The following KLHL32 variants were observed in gnomAD, a reference collection of about 807,000 sequenced individuals.
KLHL32 encodes kelch-like protein 32.
In KLHL32, 35 loss-of-function variants were observed where a neutral mutation model predicts 64.8. That is an observed-to-expected ratio of 0.54 (90% confidence interval 0.41 to 0.72). The LOEUF is 0.72. KLHL32 is among the 30% of genes least tolerant of loss of function. KLHL32 has a pLI of 0.00. For missense variants in KLHL32, 589 were observed against 768.5 expected, an observed-to-expected ratio of 0.77 and a Z score of 2.76; for synonymous variants, 259 against 281.0, an observed-to-expected ratio of 0.92 and a Z score of 0.78.
At chr6:97,038,562 G>A (rs936475895) in intron 3 of KLHL32, among the ~76,000 whole-genome samples, 12 of 152,158 alleles carry the variant, frequency 7.9e-5, no homozygotes, top group South Asian at 4.1e-4. Context: ...CACTGTTGAC[G>A]GGAATAAATT....
chr6:96,949,934 G>A (rs1338145373), intron 1 of KLHL32, among the ~76,000 whole-genome samples: 2 of 151,856 alleles, frequency 1.3e-5, no homozygotes, highest in Non-Finnish European at 2.9e-5. Context: ...GTAAAATTAT[G>A]GCTAGTGTTT....
intron 4 of KLHL32, among the ~76,000 whole-genome samples, chr6:97,048,142 C>T (rs371965496): frequency 2.3e-4 from 35 of 152,292 alleles, no homozygotes; most frequent in African/African-American, 7.9e-4. Context: ...GTTCCAGAAA[C>T]CCAGTGGAGA....
At chr6:96,926,314 T>C (rs931143873) in intron 1 of KLHL32, among the ~76,000 whole-genome samples, 2 of 152,348 alleles carry the variant, frequency 1.3e-5, no homozygotes, top group African/African-American at 4.8e-5. Context: ...TAATAAATAA[T>C]GTGAGGAGCA....
Position 97,140,415 on chromosome 6 carries a change from A to G in KLHL32, c.*1133A>G, listed in dbSNP as rs1020289534. ...TATGTCAATCTTGAGTGCTTGTGGAATTCTTCACCACCAATACATATTTTA... is the reference window on the plus strand; with the variant it reads ...TATGTCAATCTTGAGTGCTTGTGGAGTTCTTCACCACCAATACATATTTTA... On this transcript the variant is annotated 3_prime_UTR_variant, in exon 11 of 11. Transcript: ENST00000369261. The G allele has an allele frequency of 3.3e-5, 5 of 152,092 alleles. No individual in the cohort carries two copies. Among genetic ancestry groups the G allele is most frequent in the African/African-American group, 9.6e-5 (4 of 41,458 alleles). The allele number at this position is 152,092 out of a possible 1,614,324, so 9.4% of individuals were successfully genotyped here.
chr6:96,915,309 G>T, the KLHL32 span, among the ~76,000 whole-genome samples: 2 of 152,042 alleles, frequency 1.3e-5, no homozygotes, highest in African/African-American at 4.8e-5. Flanking sequence ...TAGCTGTTCT[G>T]GGCATGGTAA....
chr6:96,940,908 A>G (rs1372876389), intron 1 of KLHL32, among the ~76,000 whole-genome samples: 1 of 152,236 alleles, frequency 6.6e-6, no homozygotes, highest in Non-Finnish European at 1.5e-5. Flanking sequence ...GCATAAGGTA[A>G]GCATCACTAA....
At chr6:97,108,535 G>A (rs1796707410) in intron 6 of KLHL32, among the ~76,000 whole-genome samples, 2 of 152,168 alleles carry the variant, frequency 1.3e-5, no homozygotes, top group South Asian at 4.1e-4. Context: ...GAGGTTCACA[G>A]CACAGAGGTG....
chr6:97,054,433 G>A (rs1475056522), intron 4 of KLHL32, among the ~76,000 whole-genome samples: 1 of 152,146 alleles, frequency 6.6e-6, no homozygotes, highest in Non-Finnish European at 1.5e-5. Context: ...AATGTACATT[G>A]GTGCTTTCTC....
In KLHL32 at chr6:97,114,481, T is replaced by C; in HGVS notation, c.1326T>C (p.Tyr442=). ...GATCCCTTTCATGCCATGCTGGATA[T>C]GTGGCTGATGGTCTTCTTTGGATAT... ...FDRSLSCHAG[Y]VADGLLWISG... Residue 442 remains tyrosine, a synonymous_variant, in exon 7 of 11, where the codon TAT becomes TAC. Coordinates refer to ENST00000369261, the MANE Select transcript of KLHL32 (RefSeq NM_052904.4). 4 of 1,614,084 alleles carry C rather than the reference T, an allele frequency of 2.5e-6. No individual in the cohort carries two copies. Among genetic ancestry groups the C allele is most frequent in the Non-Finnish European group, 3.4e-6 (4 of 1,180,032 alleles).
intron 5 of KLHL32, among the ~76,000 whole-genome samples, chr6:97,074,603 T>A (rs1055080738): frequency 9.0e-5 from 13 of 145,020 alleles, no homozygotes; most frequent in African/African-American, 2.8e-4. Flanking sequence ...GTGAGGGATT[T>A]AAAAAAAAAA....
intron 6 of KLHL32, chr6:97,105,550 G>A (rs1796297790): frequency 2.1e-6 from 1 of 470,274 alleles, no homozygotes; most frequent in Admixed American, 2.4e-5. Flanking sequence ...GTGCCTCACA[G>A]CGTGGGATTC....
chr6:97,019,197 C>G (rs1781648420), intron 3 of KLHL32, among the ~76,000 whole-genome samples: 1 of 152,084 alleles, frequency 6.6e-6, no homozygotes, highest in African/African-American at 2.4e-5. Flanking sequence ...AACTGAATAC[C>G]AGAAAAAAGC....
intron 7 of KLHL32, among the ~76,000 whole-genome samples, chr6:97,117,312 A>C (rs981709306): frequency 2.0e-5 from 3 of 152,200 alleles, no homozygotes; most frequent in Non-Finnish European, 4.4e-5. Flanking sequence ...AATCATTGGC[A>C]TCCTTCTGGT....
rs546076286 is a variant in KLHL32, at chr6:96,960,571, A to C, written c.-65-6425A>C. 4.6e-5 allele frequency among the ~76,000 whole-genome samples: 7 copies of C among 152,356 alleles called. No individual in the cohort carries two copies. The South Asian group carries it at 1.2e-3, about 27-fold the overall frequency. ...TATCAAACAAATATGTGATAATAGC[A>C]TGAATAAACCAGTGTTGGCAAAAAG... On this transcript the variant is annotated intron_variant, in intron 1 of 10. Coordinates refer to ENST00000369261, the MANE Select transcript of KLHL32 (RefSeq NM_052904.4).
intron 5 of KLHL32, among the ~76,000 whole-genome samples, chr6:97,072,570 T>G (rs1023331748): frequency 1.3e-4 from 20 of 151,724 alleles, no homozygotes; most frequent in Non-Finnish European, 2.2e-4. Context: ...TTGGCTTTTT[T>G]TTTTTTGACA....
rs1006449055 is a variant in KLHL32, at chr6:97,139,572, A to C, written c.*290A>C. 1.8e-5 allele frequency: 5 copies of C among 283,376 alleles called. No homozygotes were observed. Among genetic ancestry groups the C allele is most frequent in the Non-Finnish European group, 2.6e-5 (4 of 152,904 alleles). The allele number at this position is 283,376 out of a possible 1,614,324, so 17.6% of individuals were successfully genotyped here. A position where few individuals can be genotyped will look rare whatever the true frequency, so the allele number is the denominator to read the frequency against. On this transcript the variant is annotated 3_prime_UTR_variant, in exon 11 of 11. Transcript: ENST00000369261. ...AGAGCATTCTTTGTACACTTTTTCT[A>C]ATCAGCACTGTCTTAAGACAACATA... is the stretch of plus-strand genomic sequence containing the variant.
intron 6 of KLHL32, among the ~76,000 whole-genome samples, chr6:97,105,113 T>C (rs748631616): frequency 6.6e-6 from 1 of 151,954 alleles, no homozygotes; most frequent in East Asian, 1.9e-4. Flanking sequence ...TATGTAATAT[T>C]AAAAGGATAA....
chr6:97,131,661 G>GA (rs1799457016), intron 9 of KLHL32, among the ~76,000 whole-genome samples: 2 of 152,054 alleles, frequency 1.3e-5, no homozygotes, highest in Non-Finnish European at 2.9e-5. Context: ...CAAATAATAG[G>GA]AAAAATCACA....
chr6:97,005,185 A>G (rs942238126), intron 3 of KLHL32, among the ~76,000 whole-genome samples: 4 of 151,970 alleles, frequency 2.6e-5, no homozygotes, highest in African/African-American at 7.2e-5. Context: ...CAGGATTTCA[A>G]TTTCTTCCTG....
Sources: allele counts gnomAD v4.1 joint callset (sites outside exome capture counted in the v4.1 genomes callset), GRCh38; gene constraint gnomAD v4.1.1; transcripts MANE v1.5; gene names NCBI Gene and HGNC (gene_info 2026-07-23, HGNC 2026-07-21).